The following NXPH2 variants were observed in gnomAD, a reference collection of about 807,000 sequenced individuals.
NXPH2 encodes the protein neurexophilin-2.
NXPH2 carries 5 observed loss-of-function variants against 19.8 expected under a neutral mutation model. That is an observed-to-expected ratio of 0.25 (90% CI 0.13 to 0.53). The LOEUF (loss-of-function observed/expected upper bound fraction) is 0.53, where lower values mean the gene tolerates loss of function less well. Ranked by LOEUF, NXPH2 falls within the 20% of genes least tolerant of loss-of-function variation. The probability of loss-of-function intolerance (pLI) is 0.96; values close to 1 mark genes in which losing one functional copy is unlikely to be tolerated. For missense variants in NXPH2, 289 were observed against 322.8 expected (o/e 0.90, Z 0.80); for synonymous variants, 154 against 127.4 (o/e 1.21, Z -1.41).
rs987821803 is a variant in NXPH2 at position 138,670,649 on chromosome 2, A to T, written c.*273T>A. 6.7e-6 allele frequency: 2 copies of T among 298,396 alleles called. No homozygotes were observed. Among genetic ancestry groups the T allele is most frequent in the Non-Finnish European group, 6.2e-6 (1 of 162,532 alleles). The allele number at this position is 298,396 out of a possible 1,614,324, so 18.5% of individuals were successfully genotyped here. ...GCTATCATTGATGTTTCTTTCAGAG[A>T]AACAATAAGATTTCTAGAACTTAGT... On this transcript the variant is annotated 3_prime_UTR_variant, in exon 2 of 2. Transcript: ENST00000272641.
At chr2:138,754,174 C>T (rs1681866650) in intron 1 of NXPH2, among the ~76,000 whole-genome samples, 1 of 152,024 alleles carries the variant, frequency 6.6e-6, no homozygotes, top group South Asian at 2.1e-4. Flanking sequence ...CCTGAAATCC[C>T]CCAGCCTCTT....
At chr2:138,780,107 T>A in intron 1 of NXPH2, 84 bp downstream of exon 1, 1 of 1,355,684 alleles carries the variant, frequency 7.4e-7, no homozygotes, top group Non-Finnish European at 9.7e-7. Flanking sequence ...AGGCCCAGGC[T>A]GGGCTCCAAG....
intron 1 of NXPH2, among the ~76,000 whole-genome samples, chr2:138,715,648 T>G (rs914382608): frequency 1.3e-5 from 2 of 152,192 alleles, no homozygotes; most frequent in African/African-American, 4.8e-5. Context: ...GACAGGAGGC[T>G]GGGAATCCTT....
intron 1 of NXPH2, among the ~76,000 whole-genome samples, chr2:138,693,324 T>C (rs968845402): frequency 1.7e-4 from 26 of 152,174 alleles, no homozygotes; most frequent in African/African-American, 6.0e-4. Flanking sequence ...TTTGGTCAGA[T>C]TGAAAACATA....
intron 1 of NXPH2, among the ~76,000 whole-genome samples, chr2:138,703,270 TA>T (rs1364106601): frequency 6.6e-6 from 1 of 152,092 alleles, no homozygotes; most frequent in East Asian, 1.9e-4. Flanking sequence ...ATCAGTAAAA[TA>T]AAATATTAAA....
At chr2:138,735,991 G>T (rs966726146) in intron 1 of NXPH2, among the ~76,000 whole-genome samples, 12 of 152,226 alleles carry the variant, frequency 7.9e-5, no homozygotes, top group Non-Finnish European at 1.8e-4. Flanking sequence ...CATGCAAGAG[G>T]TGGGTTCCCA....
At chr2:138,695,596 G>T (rs890822286) in intron 1 of NXPH2, among the ~76,000 whole-genome samples, 3 of 151,966 alleles carry the variant, frequency 2.0e-5, no homozygotes, top group East Asian at 1.9e-4. Flanking sequence ...AGAAATAAAA[G>T]AATAATATTA....
chr2:138,717,471 T>C (rs1044761403), intron 1 of NXPH2, among the ~76,000 whole-genome samples: 1 of 151,572 alleles, frequency 6.6e-6, no homozygotes, highest in Non-Finnish European at 1.5e-5. Flanking sequence ...AGTGCCTGTT[T>C]TCTGGTTCAC....
intron 1 of NXPH2, among the ~76,000 whole-genome samples, chr2:138,721,811 C>A (rs74494128): frequency 0.023 from 3,556 of 152,234 alleles, 57 homozygotes; most frequent in Non-Finnish European, 0.035. Flanking sequence ...GGCTGAGTAA[C>A]CTTGTTAGCA....
At chr2:138,707,040 A>G (rs1558918395) in intron 1 of NXPH2, among the ~76,000 whole-genome samples, 1 of 141,854 alleles carries the variant, frequency 7.0e-6, no homozygotes, top group Non-Finnish European at 1.5e-5. Flanking sequence ...AAATGTAAAA[A>G]TTCTAGAAAG....
intron 1 of NXPH2, among the ~76,000 whole-genome samples, chr2:138,753,450 C>A (rs907279535): frequency 4.6e-5 from 7 of 152,042 alleles, no homozygotes; most frequent in African/African-American, 9.7e-5. Context: ...CTCCAAGAAG[C>A]CTTAATTCTT....
chr2:138,710,690 C>T (rs1681091545), intron 1 of NXPH2, among the ~76,000 whole-genome samples: 1 of 152,170 alleles, frequency 6.6e-6, no homozygotes, highest in Non-Finnish European at 1.5e-5. Flanking sequence ...TAATTTACCA[C>T]TCTCAGGCCT....
Position 138,733,078 on chromosome 2 carries a change from C to T in NXPH2, c.51+47113G>A, listed in dbSNP as rs528978593. Among the ~76,000 whole-genome samples, 17 of 152,294 alleles carry T rather than the reference C, an allele frequency of 1.1e-4. No individual in the cohort carries two copies. In the East Asian group the frequency reaches 2.3e-3, roughly 21 times the overall value. ...CCTTATATAGCTCTTTGTTTCTGAA[C>T]ACTTGAGAAAAGTGAACTTACTGAA... On this transcript the variant is annotated intron_variant, in intron 1 of 1. Coordinates refer to ENST00000272641, the MANE Select transcript of NXPH2 (RefSeq NM_007226.3).
chr2:138,722,331 C>G (rs1433966420), intron 1 of NXPH2, among the ~76,000 whole-genome samples: 1 of 152,176 alleles, frequency 6.6e-6, no homozygotes, highest in East Asian at 1.9e-4. Context: ...GAATTCCATG[C>G]CTAGAAAACA....
intron 1 of NXPH2, among the ~76,000 whole-genome samples, chr2:138,737,263 A>G (rs1681564659): frequency 6.6e-6 from 1 of 152,178 alleles, no homozygotes; most frequent in Admixed American, 6.6e-5. Flanking sequence ...ATAGACTCAC[A>G]GTTCCACATA....
chr2:138,710,431 A>T (rs1681088285), intron 1 of NXPH2, among the ~76,000 whole-genome samples: 1 of 152,106 alleles, frequency 6.6e-6, no homozygotes, highest in Admixed American at 6.6e-5. Context: ...TATCCAGGAG[A>T]GGAATTGCTG....
chr2:138,771,928 T>C (rs1275548905), intron 1 of NXPH2, among the ~76,000 whole-genome samples: 1 of 152,126 alleles, frequency 6.6e-6, no homozygotes, highest in Admixed American at 6.5e-5. Flanking sequence ...AAAATACATA[T>C]TTTCATTAAA....
intron 1 of NXPH2, among the ~76,000 whole-genome samples, chr2:138,773,290 C>T (rs1682206282): frequency 6.6e-6 from 1 of 152,204 alleles, no homozygotes; most frequent in African/African-American, 2.4e-5. Flanking sequence ...TTGAAAACTT[C>T]ATCTTTTTTT....
In NXPH2 at chr2:138,670,730, C is replaced by A. The variant is rs1408585845; in HGVS notation, c.*192G>T. On this transcript the variant is annotated 3_prime_UTR_variant, in exon 2 of 2. Transcript: ENST00000272641. ...CAGTTTAACTTTTTAGATAAAGGTA[C>A]CTACGATAGAAAGAAACAAATTTCA... The A allele has an allele frequency of 2.8e-5, 15 of 527,946 alleles. No homozygotes were observed. Among genetic ancestry groups the A allele is most frequent in the South Asian group, 1.4e-4 (4 of 28,414 alleles). 32.7% of individuals were successfully genotyped at this position (527,946 alleles called of 1,614,324 possible).
Sources: gnomAD v4.1 joint callset for allele counts (sites outside exome capture counted in the v4.1 genomes callset) on GRCh38, gnomAD v4.1.1 for gene constraint, MANE v1.5 for transcripts, NCBI Gene and HGNC (gene_info 2026-07-23, HGNC 2026-07-21) for gene names.